Variants in RAD51AP2 observed in about 807,000 individuals in gnomAD.
RAD51AP2 encodes the protein RAD51-associated protein 2.
Under a neutral mutation model 85.5 loss-of-function variants are expected in RAD51AP2, and 67 were observed. The ratio of observed to expected loss-of-function variants is 0.78; its 90% CI spans 0.64 to 0.96. The LOEUF is 0.96. Ranked by LOEUF, RAD51AP2 falls within the 40% of genes least tolerant of loss-of-function variation. The probability of loss-of-function intolerance (pLI) is 0.00; values close to 1 mark genes in which losing one functional copy is unlikely to be tolerated. For missense variants in RAD51AP2, 1,307 were observed against 1,332.4 expected, an observed-to-expected ratio of 0.98 and a Z score of 0.30; for synonymous variants, 474 against 446.5, an observed-to-expected ratio of 1.06 and a Z score of -0.78.
chr2:17,535,592 C>T, the RAD51AP2 span, among the ~76,000 whole-genome samples: 1 of 151,946 alleles, frequency 6.6e-6, no homozygotes, highest in Admixed American at 6.6e-5. Context: ...CAGTTAACGA[C>T]GTGATGAGGA....
chr2:17,520,768 T>A (rs77064396), upstream of RAD51AP2, among the ~76,000 whole-genome samples: 291 of 150,852 alleles, frequency 1.9e-3, 1 homozygote, highest in Non-Finnish European at 2.6e-3. Flanking sequence ...TTTTTTTTTT[T>A]AAACAATTTG....
rs528026645 is a variant in RAD51AP2, at chr2:17,517,047, C to T, written c.1369G>A (p.Glu457Lys). 9.9e-6 allele frequency: 16 copies of T among 1,610,242 alleles called. No individual in the cohort carries two copies. Among genetic ancestry groups the T allele is most frequent in the Non-Finnish European group, 1.3e-5 (15 of 1,178,910 alleles). Reference protein sequence around the residue: ...HCAKVINAYEEQSKLLVREIL... With the variant: ...HCAKVINAYEKQSKLLVREIL... ...TCTCTTACGAGAAGCTTTGATTGTTCTTCATATGCATTGATGACTTTTGCA... is the reference window on the plus strand; with the variant it reads ...TCTCTTACGAGAAGCTTTGATTGTTTTTCATATGCATTGATGACTTTTGCA... Residue 457 changes from glutamate to lysine, a missense_variant, in exon 1 of 3, where the codon GAA becomes AAA. Glu to Lys is a moderately conservative substitution (Grantham distance 56). Transcript: ENST00000399080.
At chr2:17,534,397 G>A in the RAD51AP2 span, among the ~76,000 whole-genome samples, 54 of 152,112 alleles carry the variant, frequency 3.6e-4, no homozygotes, top group African/African-American at 1.2e-3. Context: ...CCTGAAACTC[G>A]GAAAGATAGA....
upstream of RAD51AP2, among the ~76,000 whole-genome samples, chr2:17,523,195 CCAGT>C (rs1255489289): frequency 2.0e-5 from 3 of 151,764 alleles, no homozygotes; most frequent in South Asian, 2.1e-4. Flanking sequence ...TCCTGGGCAC[CCAGT>C]CAATGTCCAT....
chr2:17,515,007 GA>G (rs11421369), intron 1 of RAD51AP2, among the ~76,000 whole-genome samples, 161 bp downstream of exon 1: 448 of 137,752 alleles, frequency 3.3e-3, no homozygotes, highest in African/African-American at 8.9e-3. Flanking sequence ...CTTCTTGCTG[GA>G]AAAAAAAAAA....
rs771744358 is a variant in RAD51AP2, at chr2:17,515,170, T to C, written c.3246A>G (p.Lys1082=). The C allele has an allele frequency of 1.3e-5, 20 of 1,557,768 alleles. 1 individual carries two copies. The South Asian group carries it at 2.1e-4, about 17-fold the overall frequency. Residue 1082 remains lysine, a splice_region_variant and synonymous_variant, in exon 1 of 3, where the codon AAA becomes AAG. Transcript: ENST00000399080. ...EEELLYSTSE[K]DCETPLPKRP... ...AATGTTCTAAAATGAATTTCATACC[T>C]TTCTCAGAAGTAGAGTAAAGTAATT...
Position 17,516,219 on chromosome 2 carries a change from C to A in RAD51AP2, c.2197G>T (p.Ala733Ser). Reference protein sequence around the residue: ...WAHYNSSTVKAHGNSCPQFIQ... With the variant: ...WAHYNSSTVKSHGNSCPQFIQ... ...AATTGAGGACAAGAATTACCATGTG[C>A]TTTAACAGTACTAGAATTATAGTGA... The change falls in exon 1 of 3, where the codon GCA becomes TCA. Residue 733 changes from alanine to serine, a missense_variant. Physicochemically the swap from Ala to Ser is moderately conservative, Grantham distance 99. Around this residue, in one of 3 missense-constraint regions of RAD51AP2, gnomAD observed 668 missense variants for 671.0 expected, o/e 1.00. Transcript: ENST00000399080. The A allele has an allele frequency of 6.2e-7, 1 of 1,613,274 alleles. No homozygotes were observed. The highest frequency in any genetic ancestry group is 8.5e-7 in the Non-Finnish European group (1 of 1,179,710).
intron 2 of RAD51AP2, among the ~76,000 whole-genome samples, chr2:17,513,510 T>A (rs906368376): frequency 5.9e-5 from 9 of 152,200 alleles, no homozygotes; most frequent in Non-Finnish European, 1.0e-4. Flanking sequence ...TTGCTGGGGT[T>A]ACAGGCGTGA....
At chr2:17,522,853 T>C (rs1332756805), upstream of RAD51AP2, among the ~76,000 whole-genome samples, 1 of 151,964 alleles carries the variant, frequency 6.6e-6, no homozygotes, top group Non-Finnish European at 1.5e-5. Context: ...TAGTTGGACA[T>C]GGCAAATTTA....
intron 2 of RAD51AP2, among the ~76,000 whole-genome samples, chr2:17,512,874 T>A (rs1245078620): frequency 1.3e-5 from 2 of 152,208 alleles, no homozygotes; most frequent in African/African-American, 4.8e-5. Context: ...TATTTCATTG[T>A]AAGCTAAGAA....
the RAD51AP2 span, among the ~76,000 whole-genome samples, chr2:17,529,944 G>A: frequency 1.1e-3 from 160 of 152,252 alleles, 2 homozygotes; most frequent in African/African-American, 3.7e-3. Context: ...CATGCTCTTA[G>A]TGAGTCAGAT....
At chr2:17,528,923 T>C in the RAD51AP2 span, among the ~76,000 whole-genome samples, 5 of 152,148 alleles carry the variant, frequency 3.3e-5, no homozygotes, top group Admixed American at 2.0e-4. Context: ...TAAGAAAGAA[T>C]ATAAACATAT....
At chr2:17,529,434 G>T in the RAD51AP2 span, among the ~76,000 whole-genome samples, 3 of 151,912 alleles carry the variant, frequency 2.0e-5, no homozygotes, top group Admixed American at 2.0e-4. Flanking sequence ...CCAATGGAAT[G>T]TTAATTCTTC....
chr2:17,515,546 G>T lies in RAD51AP2; in HGVS notation c.2870C>A (p.Thr957Lys), dbSNP rs967495968. 1.9e-6 allele frequency: 3 copies of T among 1,609,082 alleles called. No homozygotes were observed. The highest frequency in any genetic ancestry group is 2.7e-5 in the African/African-American group (2 of 74,480). Residue 957 changes from threonine (T) to lysine (K), a missense_variant, in exon 1 of 3, where the codon ACA becomes AAA. Thr to Lys is a moderately conservative substitution (Grantham distance 78). This residue lies in a region of RAD51AP2 where 668 missense variants were observed against 671.0 expected (regional missense o/e 1.00). Coordinates refer to ENST00000399080, the MANE Select transcript of RAD51AP2 (RefSeq NM_001099218.3). ...AAKYLSTEAL[T>K]IVKDFEMKRK... ...CTTCATCTCAAAATCTTTTACTATT[G>T]TCAGAGCTTCTGTTGATAAATATTT...
chr2:17,528,950 G>T, the RAD51AP2 span, among the ~76,000 whole-genome samples: 1 of 152,138 alleles, frequency 6.6e-6, no homozygotes, highest in Non-Finnish European at 1.5e-5. Context: ...GCTTTCAAAT[G>T]ATTATACTAG....
chr2:17,530,174 A>G, the RAD51AP2 span, among the ~76,000 whole-genome samples: 1 of 152,180 alleles, frequency 6.6e-6, no homozygotes, highest in Non-Finnish European at 1.5e-5. Context: ...CCGCTTATTC[A>G]TACTATTTGA....
At chr2:17,514,932 T>C (rs151318904) in intron 1 of RAD51AP2, among the ~76,000 whole-genome samples, 3 of 151,728 alleles carry the variant, frequency 2.0e-5, no homozygotes, top group African/African-American at 7.2e-5. Flanking sequence ...TTTCTTGGTG[T>C]TTCCAAGGAG....
intron 2 of RAD51AP2, among the ~76,000 whole-genome samples, 195 bp from the exon 3 acceptor site, chr2:17,511,150 AC>A (rs1662481947): frequency 1.3e-5 from 2 of 152,214 alleles, no homozygotes; most frequent in South Asian, 4.1e-4. Flanking sequence ...AAACATAAGC[AC>A]AAAAAGTTAA....
At chr2:17,518,443 G>A (rs1346301706), upstream of RAD51AP2, 1 of 1,590,168 alleles carries the variant, frequency 6.3e-7, no homozygotes, top group Non-Finnish European at 8.5e-7. Context: ...ATCTGTCCGA[G>A]TCCCGGCGGG....
Sources: gnomAD v4.1 joint callset for allele counts (sites outside exome capture counted in the v4.1 genomes callset) on GRCh38, gnomAD v4.1.1 for gene constraint, gnomAD v4.1.1 regional missense constraint, MANE v1.5 for transcripts, NCBI Gene and HGNC (gene_info 2026-07-23, HGNC 2026-07-21) for gene names.